UPK1B: variants seen among roughly 807,000 people sequenced by gnomAD.
The protein encoded by UPK1B is uroplakin-1b.
UPK1B carries 28 observed loss-of-function variants against 34.2 expected under a neutral mutation model. The ratio of observed to expected loss-of-function variants is 0.82; its 90% confidence interval spans 0.61 to 1.12. UPK1B has a LOEUF of 1.12. Among genes scored for constraint, UPK1B ranks in the 50% most tolerant of loss-of-function variants. The probability of loss-of-function intolerance (pLI) is 0.00; values close to 1 mark genes in which losing one functional copy is unlikely to be tolerated. For missense variants in UPK1B, 325 were observed against 320.9 expected, an observed-to-expected ratio of 1.01 and a Z score of -0.10; for synonymous variants, 81 against 110.4, an observed-to-expected ratio of 0.73 and a Z score of 1.67.
chr3:119,182,970 T>C, intron 1 of UPK1B, among the ~76,000 whole-genome samples: 1 of 152,096 alleles, frequency 6.6e-6, no homozygotes, highest in Middle Eastern at 3.2e-3. Flanking sequence ...AATATGCAAA[T>C]ATGAGCATCG....
At chr3:119,175,007 A>ATTTTTTTTTTTTTTTT (rs2077948006) in intron 1 of UPK1B, among the ~76,000 whole-genome samples, 1 of 39,726 alleles carries the variant, frequency 2.5e-5, no homozygotes, top group Non-Finnish European at 5.6e-5. Context: ...TTTTTCTTTT[A>ATTTTTTTTTTTTTTTT]TTTTCTTTTT....
intron 1 of UPK1B, among the ~76,000 whole-genome samples, chr3:119,175,012 CTTTTTTTTTTTTTT>C (rs374721069): frequency 2.1e-4 from 14 of 67,448 alleles, no homozygotes; most frequent in African/African-American, 6.8e-4. Flanking sequence ...CTTTTATTTT[CTTTTTTTTTTTTTT>C]TTTTTTTTTT....
In UPK1B at chr3:119,182,945, A is replaced by T. The variant is rs184854721; in HGVS notation, c.-28-3769A>T. Reference sequence around the variant, plus strand: ...TTCTGGAAAAGCATGTGGGTACAGCACTGAGTTTGGGGGAAATATGCAAAT... The same window carrying T: ...TTCTGGAAAAGCATGTGGGTACAGCTCTGAGTTTGGGGGAAATATGCAAAT... On this transcript the variant is annotated intron_variant, in intron 1 of 7. Transcript: ENST00000264234. Among the ~76,000 whole-genome samples, 125 of 152,334 alleles carry T rather than the reference A, an allele frequency of 8.2e-4. 2 individuals are homozygous for T. The highest frequency in any genetic ancestry group is 2.1e-3 in the African/African-American group (89 of 41,588).
chr3:119,182,006 G>A (rs1335521426), intron 1 of UPK1B, among the ~76,000 whole-genome samples: 2 of 152,252 alleles, frequency 1.3e-5, no homozygotes, highest in Admixed American at 1.3e-4. Context: ...AGAGGCCTTA[G>A]AGCTGGCCAA....
In UPK1B at chr3:119,198,954, A is replaced by G. The variant is rs530658470; in HGVS notation, c.649-103A>G. 165 of 1,307,850 alleles carry G rather than the reference A, an allele frequency of 1.3e-4. 1 individual carries two copies. The African/African-American group carries it at 2.3e-3, about 18-fold the overall frequency. 81.0% of individuals were successfully genotyped at this position (1,307,850 alleles called of 1,614,324 possible). On this transcript the variant is annotated intron_variant, in intron 6 of 7. Coordinates refer to ENST00000264234, the MANE Select transcript of UPK1B (RefSeq NM_006952.4). ...AAATAGCCTGGATATGTGAAATCAG[A>G]ATTTTGAGTAGCATTGATTCCAATA... is the stretch of plus-strand genomic sequence containing the variant.
chr3:119,200,477 C>T (rs1315101110), intron 7 of UPK1B, among the ~76,000 whole-genome samples: 1 of 152,218 alleles, frequency 6.6e-6, no homozygotes, highest in Non-Finnish European at 1.5e-5. Context: ...ATATATCTTT[C>T]AGCCATTTAT....
chr3:119,176,686 T>C (rs2077958567), intron 1 of UPK1B, among the ~76,000 whole-genome samples: 1 of 152,212 alleles, frequency 6.6e-6, no homozygotes, highest in Non-Finnish European at 1.5e-5. Context: ...CAGTTGCTGC[T>C]CTGCCCTCTG....
chr3:119,190,174 C>A, intron 3 of UPK1B, 71 bp from the exon 4 acceptor site: 3 of 1,226,122 alleles, frequency 2.4e-6, no homozygotes, highest in Non-Finnish European at 3.5e-6. Flanking sequence ...GCTGAAAAAA[C>A]ATAATTATTT....
At chr3:119,185,981 C>T (rs1230304155) in intron 1 of UPK1B, among the ~76,000 whole-genome samples, 2 of 152,226 alleles carry the variant, frequency 1.3e-5, no homozygotes, top group East Asian at 1.9e-4. Context: ...TCTAGCCTAG[C>T]TCTGCCACTT....
At chr3:119,191,325 G>A (rs1473173634) in intron 5 of UPK1B, among the ~76,000 whole-genome samples, 1 of 152,180 alleles carries the variant, frequency 6.6e-6, no homozygotes, top group African/African-American at 2.4e-5. Flanking sequence ...CTACCCCACA[G>A]TGAACTCGAG....
intron 3 of UPK1B, 35 bp downstream of exon 3, chr3:119,188,010 G>C (rs751419710): frequency 6.2e-7 from 1 of 1,605,906 alleles, no homozygotes; most frequent in Admixed American, 1.7e-5. Context: ...TTGTCTCCCT[G>C]AGCCAATTGT....
At chr3:119,188,786 C>T (rs74961888) in intron 3 of UPK1B, among the ~76,000 whole-genome samples, 8,340 of 152,278 alleles carry the variant, frequency 0.055, 297 homozygotes, top group South Asian at 0.12. Flanking sequence ...AATCCCCCAC[C>T]CCTGAAATAA....
intron 1 of UPK1B, among the ~76,000 whole-genome samples, chr3:119,178,796 T>C (rs7616950): frequency 0.67 from 101,877 of 152,052 alleles, 35,113 homozygotes; most frequent in East Asian, 0.84. Context: ...AACATCTGTG[T>C]TTTGGAGGAT....
rs770179195 is a variant in UPK1B at position 119,203,910 on chromosome 3, A to G, written c.733-7A>G. The G allele has an allele frequency of 1.9e-6, 3 of 1,613,836 alleles. No individual in the cohort carries two copies. The highest frequency in any genetic ancestry group is 2.5e-6 in the Non-Finnish European group (3 of 1,179,866). On this transcript the variant is annotated splice_polypyrimidine_tract_variant and splice_region_variant and intron_variant, in intron 7 of 7. Coordinates refer to ENST00000264234, the MANE Select transcript of UPK1B (RefSeq NM_006952.4). Reference sequence around the variant, plus strand: ...TGTTTATTTTTCCTTGTTTTTTTCTATTCCAGTTTTGGGTTCTCCTGGGTA... The same window carrying G: ...TGTTTATTTTTCCTTGTTTTTTTCTGTTCCAGTTTTGGGTTCTCCTGGGTA...
intron 4 of UPK1B, 40 bp from the exon 5 acceptor site, chr3:119,190,942 G>A (rs370224982): frequency 2.6e-5 from 41 of 1,607,156 alleles, no homozygotes; most frequent in African/African-American, 1.5e-4. Flanking sequence ...GAAAATTAGC[G>A]TGCTATCTCT....
At chr3:119,180,896 G>A (rs1193863094) in intron 1 of UPK1B, among the ~76,000 whole-genome samples, 1 of 152,100 alleles carries the variant, frequency 6.6e-6, no homozygotes, top group Non-Finnish European at 1.5e-5. Context: ...TCCAGCTAAT[G>A]TATTATAAAA....
intron 3 of UPK1B, among the ~76,000 whole-genome samples, chr3:119,189,890 A>G (rs1036021321): frequency 1.3e-5 from 2 of 152,256 alleles, no homozygotes; most frequent in African/African-American, 4.8e-5. Flanking sequence ...GAGCATGCAC[A>G]TGCATGTAAA....
chr3:119,191,207 T>C lies in UPK1B; in HGVS notation c.468+103T>C, dbSNP rs73854427. The stretch of plus-strand genomic sequence containing the variant: ...CCCTATATTTTATTTCAAGCCATGA[T>C]GATTAGCTTACATTTGTTGGAATGA... On this transcript the variant is annotated intron_variant, in intron 5 of 7. Transcript: ENST00000264234. The C allele has an allele frequency of 2.9e-4, 383 of 1,335,658 alleles. 3 individuals are homozygous for C. The African/African-American group carries it at 4.9e-3, about 17-fold the overall frequency. 82.7% of individuals were successfully genotyped at this position (1,335,658 alleles called of 1,614,324 possible). A position where few individuals can be genotyped will look rare whatever the true frequency, so the allele number is the denominator to read the frequency against.
chr3:119,175,070 C>T (rs1381797838), intron 1 of UPK1B, among the ~76,000 whole-genome samples: 3 of 116,124 alleles, frequency 2.6e-5, no homozygotes, highest in Non-Finnish European at 4.9e-5. Flanking sequence ...CTCTGAGGCC[C>T]AGGCTGGAGT....
Sources: gnomAD v4.1 joint callset for allele counts (sites outside exome capture counted in the v4.1 genomes callset) on GRCh38, gnomAD v4.1.1 for gene constraint, MANE v1.5 for transcripts, NCBI Gene and HGNC (gene_info 2026-07-23, HGNC 2026-07-21) for gene names.